PTP4A3: variants seen among roughly 807,000 people sequenced by gnomAD.
PTP4A3 encodes the protein protein tyrosine phosphatase 4A3, also known as protein tyrosine phosphatase type IVA 3.
Under a neutral mutation model 15.2 loss-of-function variants are expected in PTP4A3, and 9 were observed. The observed-to-expected ratio is 0.59, with a 90% CI of 0.36 to 1.03. PTP4A3 has a LOEUF of 1.03. Ranked by LOEUF, PTP4A3 falls within the 50% of genes least tolerant of loss-of-function variation. The pLI, the probability that PTP4A3 is intolerant of heterozygous loss-of-function variation, is 0.02. For synonymous variants in PTP4A3, 95 were observed against 102.0 expected, an observed-to-expected ratio of 0.93 and a Z score of 0.41; for missense variants, 234 against 252.1, an observed-to-expected ratio of 0.93 and a Z score of 0.49.
chr8:141,415,123 G>C (rs1262529470), intron 1 of PTP4A3, among the ~76,000 whole-genome samples: 1 of 152,140 alleles, frequency 6.6e-6, no homozygotes, highest in Non-Finnish European at 1.5e-5. Context: ...GCTGAGCCCA[G>C]GGCTGCCACC....
intron 4 of PTP4A3, among the ~76,000 whole-genome samples, chr8:141,427,318 G>C (rs1642328113): frequency 6.6e-6 from 1 of 152,184 alleles, no homozygotes; most frequent in African/African-American, 2.4e-5. Flanking sequence ...GTAGGAAAGG[G>C]CTGCCGTCCC....
chr8:141,420,907 A>G (rs1218102759), intron 1 of PTP4A3, among the ~76,000 whole-genome samples: 1 of 152,230 alleles, frequency 6.6e-6, no homozygotes, highest in African/African-American at 2.4e-5. Context: ...GGCCACCCAG[A>G]GACACCTGGG....
rs1586545383 is a variant in PTP4A3, at chr8:141,409,924, C to T, written c.-853-11464C>T. On this transcript the variant is annotated intron_variant, in intron 1 of 5. Coordinates refer to ENST00000521578, the MANE Select transcript of PTP4A3 (RefSeq NM_032611.3). Reference sequence around the variant, plus strand: ...CCTGCCACCCACCTGGGCTGGGCATCCAGTCTGGCCTTGGCTGTTGTCATG... The same window carrying T: ...CCTGCCACCCACCTGGGCTGGGCATTCAGTCTGGCCTTGGCTGTTGTCATG... Among the ~76,000 whole-genome samples, 6 of 152,276 alleles carry T rather than the reference C, an allele frequency of 3.9e-5. No homozygotes were observed. The South Asian group carries it at 1.2e-3, about 32-fold the overall frequency.
Position 141,427,655 on chromosome 8 carries a change from T to C in PTP4A3, c.330-95T>C. 7.3e-6 allele frequency: 8 copies of C among 1,097,202 alleles called. No individual in the cohort carries two copies. The South Asian group carries it at 1.0e-4, about 14-fold the overall frequency. The allele number at this position is 1,097,202 out of a possible 1,614,324, so 68.0% of individuals were successfully genotyped here. On this transcript the variant is annotated intron_variant, in intron 4 of 5. Coordinates refer to ENST00000521578, the MANE Select transcript of PTP4A3 (RefSeq NM_032611.3). ...TCAGGCAGGGGGGATTCTGGGCCCC[T>C]TGGGCCCCCGTGCCCTGCATCTTCA... is the stretch of plus-strand genomic sequence containing the variant.
At chr8:141,430,486 G>A (rs1036515094) in intron 5 of PTP4A3, among the ~76,000 whole-genome samples, 1 of 152,218 alleles carries the variant, frequency 6.6e-6, no homozygotes, top group Non-Finnish European at 1.5e-5. Flanking sequence ...GGGACAGGGT[G>A]AGCATGCAGC....
chr8:141,427,962 C>A, intron 5 of PTP4A3, 138 bp downstream of exon 5: 1 of 859,100 alleles, frequency 1.2e-6, no homozygotes, highest in Non-Finnish European at 1.7e-6. Context: ...GGCCTTGCTG[C>A]AGAAACGGGG....
chr8:141,425,180 C>CGG lies in PTP4A3; in HGVS notation c.198+40_198+41insGG. 3 of 522,612 alleles carry CGG rather than the reference C, an allele frequency of 5.7e-6. No homozygotes were observed. Among genetic ancestry groups the CGG allele is most frequent in the Non-Finnish European group, 1.2e-5 (3 of 259,684 alleles). The allele number at this position is 522,612 out of a possible 1,614,324, so 32.4% of individuals were successfully genotyped here. On this transcript the variant is annotated intron_variant, in intron 3 of 5. Transcript: ENST00000521578. This position sits in a 1 kb window ranked among gnomAD's most constrained non-coding sequence, Gnocchi z 4.2. ...ACGGGGACCCTAGTCACTGCTGCCA[C>CGG]CGGGGGAGGGTGGGGCGGGGGGCTC...
intron 1 of PTP4A3, among the ~76,000 whole-genome samples, chr8:141,404,074 C>T (rs934241730): frequency 1.4e-4 from 22 of 152,252 alleles, no homozygotes; most frequent in Admixed American, 5.2e-4. Flanking sequence ...CAGCCAGGGC[C>T]ACGGCGACAC....
Position 141,431,100 on chromosome 8 carries a change from G to C in PTP4A3, c.*56G>C. On this transcript the variant is annotated 3_prime_UTR_variant, in exon 6 of 6. Coordinates refer to ENST00000521578, the MANE Select transcript of PTP4A3 (RefSeq NM_032611.3). ...GTAGGTCAGGACCTTGGCTGGACCT[G>C]GAGGCCCTGCCCAGCCCTGCTCTGC... is the stretch of plus-strand genomic sequence containing the variant. 1 of 1,548,826 alleles carries C rather than the reference G, an allele frequency of 6.5e-7. No individual in the cohort carries two copies. Among genetic ancestry groups the C allele is most frequent in the Non-Finnish European group, 8.9e-7 (1 of 1,122,398 alleles).
chr8:141,412,753 CA>C (rs1364586004), intron 1 of PTP4A3, among the ~76,000 whole-genome samples: 1 of 152,240 alleles, frequency 6.6e-6, no homozygotes, highest in Non-Finnish European at 1.5e-5. Flanking sequence ...TGGGCACTGC[CA>C]GGGGCAGTTC....
Position 141,427,163 on chromosome 8 carries a change from C to G in PTP4A3, c.329+94C>G, listed in dbSNP as rs763220171. The G allele has an allele frequency of 2.6e-6, 4 of 1,516,026 alleles. No homozygotes were observed. The East Asian group carries it at 9.3e-5, about 35-fold the overall frequency. The allele number at this position is 1,516,026 out of a possible 1,614,324, so 93.9% of individuals were successfully genotyped here. On this transcript the variant is annotated intron_variant, in intron 4 of 5. Transcript: ENST00000521578. ...CTTTTGGATGTGGGTCTTGAACACA[C>G]GTCCACGCGACCTTCCCAGGAGGCC...
chr8:141,402,913 C>T (rs926262365), intron 1 of PTP4A3, among the ~76,000 whole-genome samples: 3 of 152,078 alleles, frequency 2.0e-5, no homozygotes, highest in East Asian at 1.9e-4. Context: ...GCGGGCAGCC[C>T]GGGGGCTTGT....
At chr8:141,419,640 C>G (rs1340839610) in intron 1 of PTP4A3, among the ~76,000 whole-genome samples, 1 of 150,970 alleles carries the variant, frequency 6.6e-6, no homozygotes, top group Non-Finnish European at 1.5e-5. Flanking sequence ...GGAGCGATCT[C>G]GGCTCACTGC....
chr8:141,428,610 G>A (rs867749569), intron 5 of PTP4A3, among the ~76,000 whole-genome samples: 1 of 152,104 alleles, frequency 6.6e-6, no homozygotes, highest in East Asian at 1.9e-4. Context: ...GTCTGTGTGA[G>A]AGTGTGGCCC....
At chr8:141,413,465 C>T (rs1242017125) in intron 1 of PTP4A3, among the ~76,000 whole-genome samples, 1 of 152,262 alleles carries the variant, frequency 6.6e-6, no homozygotes, top group East Asian at 1.9e-4. Flanking sequence ...GGGCTTCCTC[C>T]TGTCTGGAAT....
intron 1 of PTP4A3, among the ~76,000 whole-genome samples, chr8:141,409,870 C>T (rs1238406179): frequency 2.0e-5 from 3 of 152,226 alleles, no homozygotes; most frequent in Non-Finnish European, 2.9e-5. Flanking sequence ...GCGGTGCCTG[C>T]GGGGGCCCAC....
chr8:141,419,507 G>T (rs1055024696), intron 1 of PTP4A3, among the ~76,000 whole-genome samples: 1 of 152,070 alleles, frequency 6.6e-6, no homozygotes, highest in South Asian at 2.1e-4. Context: ...GGGGACTGGC[G>T]GGACCAGGGA....
At chr8:141,428,041 A>G (rs1252246333) in intron 5 of PTP4A3, among the ~76,000 whole-genome samples, 1 of 152,132 alleles carries the variant, frequency 6.6e-6, no homozygotes, top group East Asian at 1.9e-4. Flanking sequence ...ACAGGGACAC[A>G]GCGAGGCCAC....
intron 1 of PTP4A3, among the ~76,000 whole-genome samples, chr8:141,397,600 C>T (rs1832484542): frequency 6.6e-6 from 1 of 152,202 alleles, no homozygotes; most frequent in Non-Finnish European, 1.5e-5. Context: ...CCCTGCAGAC[C>T]CTCACAAGGC....
Sources: gnomAD v4.1 joint callset for allele counts (sites outside exome capture counted in the v4.1 genomes callset) on GRCh38, gnomAD v4.1.1 for gene constraint, Gnocchi (gnomAD v3.1) non-coding constraint, MANE v1.5 for transcripts, NCBI Gene and HGNC (gene_info 2026-07-23, HGNC 2026-07-21) for gene names.